TMPRSS15: variants seen among roughly 807,000 people sequenced by gnomAD.
TMPRSS15 encodes the protein enteropeptidase.
TMPRSS15 carries 128 observed loss-of-function variants against 125.3 expected under a neutral mutation model. That is an observed-to-expected ratio of 1.02 (90% CI 0.89 to 1.18). The LOEUF (loss-of-function observed/expected upper bound fraction) is 1.18, where lower values mean the gene tolerates loss of function less well. TMPRSS15 is among the 50% of genes most tolerant of loss of function. The pLI is 0.00. For missense variants in TMPRSS15, 1,283 were observed against 1,212.7 expected, an observed-to-expected ratio of 1.06 and a Z score of -0.86; for synonymous variants, 446 against 423.2, an observed-to-expected ratio of 1.05 and a Z score of -0.66.
chr21:18,461,236 T>C (rs953124427), intron 1 of TMPRSS15, among the ~76,000 whole-genome samples: 3 of 152,172 alleles, frequency 2.0e-5, no homozygotes, highest in African/African-American at 7.2e-5. Context: ...AACTCCTCTT[T>C]CGTACACTTC....
At chr21:18,449,916 G>T (rs1555913054) in intron 1 of TMPRSS15, among the ~76,000 whole-genome samples, 1 of 150,728 alleles carries the variant, frequency 6.6e-6, no homozygotes, top group Non-Finnish European at 1.5e-5. Context: ...TAAAATGGAA[G>T]AATAGCCTTT....
chr21:18,481,718 T>G (rs1185994841), intron 1 of TMPRSS15, among the ~76,000 whole-genome samples: 1 of 151,722 alleles, frequency 6.6e-6, no homozygotes, highest in East Asian at 1.9e-4. Flanking sequence ...AAATTAAATT[T>G]TACTCCTTTC....
At chr21:18,450,615 G>C (rs2076266114) in intron 1 of TMPRSS15, among the ~76,000 whole-genome samples, 1 of 152,028 alleles carries the variant, frequency 6.6e-6, no homozygotes, top group Non-Finnish European at 1.5e-5. Flanking sequence ...CTGTGCTCTG[G>C]TAAATAGCTG....
chr21:18,295,266 TA>T (rs761292609), intron 19 of TMPRSS15, among the ~76,000 whole-genome samples: 6 of 152,216 alleles, frequency 3.9e-5, no homozygotes, highest in Non-Finnish European at 8.8e-5. Flanking sequence ...CTTAGAAATT[TA>T]AATACCAACT....
intron 16 of TMPRSS15, among the ~76,000 whole-genome samples, chr21:18,315,822 AC>A (rs2075160067): frequency 6.8e-6 from 1 of 147,204 alleles, no homozygotes; most frequent in Non-Finnish European, 1.5e-5. Flanking sequence ...GTGCACGTGT[AC>A]CCTAGAACTT....
At chr21:18,419,165 C>G (rs1241578865) in intron 1 of TMPRSS15, among the ~76,000 whole-genome samples, 1 of 151,866 alleles carries the variant, frequency 6.6e-6, no homozygotes, top group Non-Finnish European at 1.5e-5. Context: ...ACCAGCTCCC[C>G]AAAACTTTCC....
At chr21:18,287,637 T>C (rs1601276602) in intron 21 of TMPRSS15, among the ~76,000 whole-genome samples, 1 of 152,262 alleles carries the variant, frequency 6.6e-6, no homozygotes, top group East Asian at 1.9e-4. Context: ...GAGACATATG[T>C]TATTAAATAG....
chr21:18,340,169 G>A (rs1290598879), intron 13 of TMPRSS15, among the ~76,000 whole-genome samples: 2 of 152,154 alleles, frequency 1.3e-5, no homozygotes, highest in Non-Finnish European at 2.9e-5. Context: ...GGGAAAGGCC[G>A]ACCCACTCTC....
chr21:18,467,229 G>A (rs529368941), intron 1 of TMPRSS15, among the ~76,000 whole-genome samples: 8 of 152,082 alleles, frequency 5.3e-5, no homozygotes, highest in African/African-American at 1.9e-4. Flanking sequence ...TGGACATGGA[G>A]GGGAACATCA....
At chr21:18,449,872 C>A (rs1483198935) in intron 1 of TMPRSS15, among the ~76,000 whole-genome samples, 1 of 22,128 alleles carries the variant, frequency 4.5e-5, no homozygotes, top group East Asian at 2.0e-3. Context: ...CACACACACA[C>A]ACACGCACAC....
At chr21:18,326,941 T>C (rs2075298441) in intron 15 of TMPRSS15, among the ~76,000 whole-genome samples, 1 of 152,178 alleles carries the variant, frequency 6.6e-6, no homozygotes, top group Admixed American at 6.5e-5. Context: ...TTACTAAATT[T>C]TTGACCAAAC....
intron 22 of TMPRSS15, 126 bp from the exon 23 acceptor site, chr21:18,279,185 A>G (rs575942907): frequency 3.2e-6 from 2 of 629,146 alleles, no homozygotes. Flanking sequence ...TTTTTTTTTA[A>G]TCCTACCTGT....
intron 8 of TMPRSS15, among the ~76,000 whole-genome samples, chr21:18,359,533 A>G (rs1257984112): frequency 1.3e-5 from 2 of 148,650 alleles, no homozygotes; most frequent in Non-Finnish European, 3.0e-5. Flanking sequence ...AATTTTTAAG[A>G]TATTAATTAG....
intron 7 of TMPRSS15, among the ~76,000 whole-genome samples, chr21:18,363,846 T>G (rs2075700550): frequency 6.6e-6 from 1 of 152,140 alleles, no homozygotes; most frequent in Non-Finnish European, 1.5e-5. Flanking sequence ...AGAACTGCCA[T>G]TTTTAATTCA....
At chr21:18,328,749 T>C (rs1280245472) in intron 15 of TMPRSS15, among the ~76,000 whole-genome samples, 2 of 152,226 alleles carry the variant, frequency 1.3e-5, no homozygotes, top group South Asian at 2.1e-4. Context: ...AGTTACTGCA[T>C]ATTTAAAAAT....
intron 18 of TMPRSS15, among the ~76,000 whole-genome samples, chr21:18,300,055 G>A (rs907133293): frequency 6.6e-6 from 1 of 152,066 alleles, no homozygotes; most frequent in Non-Finnish European, 1.5e-5. Flanking sequence ...CCTTTTGAAA[G>A]GTGTATCATT....
chr21:18,271,390 C>T (rs1311545425), intron 24 of TMPRSS15, among the ~76,000 whole-genome samples: 1 of 151,994 alleles, frequency 6.6e-6, no homozygotes, highest in East Asian at 1.9e-4. Context: ...TTTTAATAGA[C>T]AAGAGGATCC....
intron 18 of TMPRSS15, among the ~76,000 whole-genome samples, chr21:18,310,384 C>T (rs549082044): frequency 6.6e-6 from 1 of 151,662 alleles, no homozygotes; most frequent in Non-Finnish European, 1.5e-5. Flanking sequence ...ATAAACAAAA[C>T]AAAATCATTA....
chr21:18,308,527 GT>G (rs1256864068), intron 18 of TMPRSS15, among the ~76,000 whole-genome samples: 11 of 151,406 alleles, frequency 7.3e-5, no homozygotes, highest in Non-Finnish European at 8.8e-5. Context: ...AAAGAATGTG[GT>G]TTGACCCCAT....
Sources: gnomAD v4.1 joint callset for allele counts (sites outside exome capture counted in the v4.1 genomes callset) on GRCh38, gnomAD v4.1.1 for gene constraint, MANE v1.5 for transcripts, NCBI Gene and HGNC (gene_info 2026-07-23, HGNC 2026-07-21) for gene names.